HGSNAT: variants seen among roughly 807,000 people sequenced by gnomAD.
HGSNAT encodes transmembrane protein 76.
In HGSNAT, 59 loss-of-function variants were observed where a neutral mutation model predicts 85.2. The ratio of observed to expected loss-of-function variants is 0.69; its 90% CI spans 0.56 to 0.86. The LOEUF (loss-of-function observed/expected upper bound fraction) is 0.86, where lower values mean the gene tolerates loss of function less well. Ranked by LOEUF, HGSNAT falls within the 40% of genes least tolerant of loss-of-function variation. The pLI is 0.00. For missense variants in HGSNAT, 756 were observed against 777.1 expected (o/e 0.97, Z 0.32); for synonymous variants, 321 against 304.5 (o/e 1.05, Z -0.56).
intron 1 of HGSNAT, among the ~76,000 whole-genome samples, chr8:43,143,792 CT>C (rs1802628624): frequency 6.6e-6 from 1 of 151,746 alleles, no homozygotes; most frequent in Non-Finnish European, 1.5e-5. Context: ...ATGATCCACC[CT>C]CCTTAGCCTC....
intron 15 of HGSNAT, 33 bp downstream of exon 15, chr8:43,197,058 T>G: frequency 7.3e-7 from 1 of 1,374,358 alleles, no homozygotes; most frequent in Non-Finnish European, 1.0e-6. Flanking sequence ...TAAAATTCCT[T>G]TCCTTCACAT....
chr8:43,170,661 C>A lies in HGSNAT; in HGVS notation c.710C>A (p.Pro237Gln), dbSNP rs727503962. The change falls in exon 7 of 18, where the codon CCG becomes CAG. Residue 237 changes from proline (P) to glutamine (Q), a missense_variant. Pro to Gln is a moderately conservative substitution (Grantham distance 76). Coordinates refer to ENST00000379644, the MANE Select transcript of HGSNAT (RefSeq NM_152419.3). Reference protein sequence around the residue: ...QPATWRLSALPPRLRSVDTFR... With the variant: ...QPATWRLSALQPRLRSVDTFR... ...GCAACGTGGCGTCTATCTGCCCTGCCGCCCCGCCTCCGCAGCGTGGACACC... is the reference window on the plus strand; with the variant it reads ...GCAACGTGGCGTCTATCTGCCCTGCAGCCCCGCCTCCGCAGCGTGGACACC... The A allele has an allele frequency of 3.1e-5, 50 of 1,607,412 alleles. No homozygotes were observed. Among genetic ancestry groups the A allele is most frequent in the Middle Eastern group, 3.3e-4 (2 of 6,074 alleles).
chr8:43,193,027 G>A (rs1804594805), intron 13 of HGSNAT, among the ~76,000 whole-genome samples: 1 of 152,198 alleles, frequency 6.6e-6, no homozygotes, highest in Non-Finnish European at 1.5e-5. Context: ...CCGGGGTGGC[G>A]CTGCAGAATT....
At chr8:43,165,044 A>AT (rs1175997527) in intron 5 of HGSNAT, among the ~76,000 whole-genome samples, 2,147 of 72,044 alleles carry the variant, frequency 0.03, 85 homozygotes, top group African/African-American at 0.066. Context: ...CACCATGATA[A>AT]TTTTTTTTTT....
At chr8:43,162,470 G>T (rs1040823752) in intron 5 of HGSNAT, among the ~76,000 whole-genome samples, 1 of 152,050 alleles carries the variant, frequency 6.6e-6, no homozygotes, top group Non-Finnish European at 1.5e-5. Context: ...TTGAGTTAAG[G>T]TATTATCTCA....
chr8:43,164,847 G>T lies in HGSNAT; in HGVS notation c.563+3340G>T, dbSNP rs1803383078. 1.3e-5 allele frequency among the ~76,000 whole-genome samples: 2 copies of T among 152,206 alleles called. 1 individual carries two copies. Among genetic ancestry groups the T allele is most frequent in the South Asian group, 4.1e-4 (2 of 4,826 alleles). ...TTTACTCAAACGCTTAGAAGCCATTGTAGGGCAATTATAATTGGCCTAATT... is the reference window on the plus strand; with the variant it reads ...TTTACTCAAACGCTTAGAAGCCATTTTAGGGCAATTATAATTGGCCTAATT... On this transcript the variant is annotated intron_variant, in intron 5 of 17. Coordinates refer to ENST00000379644, the MANE Select transcript of HGSNAT (RefSeq NM_152419.3).
chr8:43,196,090 C>G (rs1250326321), intron 14 of HGSNAT: 1 of 269,020 alleles, frequency 3.7e-6, no homozygotes, highest in Non-Finnish European at 7.3e-6. Flanking sequence ...AGCCACGCTC[C>G]CTGGGTTTGT....
At chr8:43,152,978 T>C (rs1385584344) in intron 2 of HGSNAT, among the ~76,000 whole-genome samples, 4 of 152,024 alleles carry the variant, frequency 2.6e-5, no homozygotes, top group East Asian at 1.9e-4. Flanking sequence ...ACGGCCCAAA[T>C]TGGTCTGAGT....
At chr8:43,166,814 C>T (rs1803451560) in intron 5 of HGSNAT, among the ~76,000 whole-genome samples, 1 of 152,268 alleles carries the variant, frequency 6.6e-6, no homozygotes, top group Non-Finnish European at 1.5e-5. Flanking sequence ...GTGATTTCTC[C>T]AATGAATCTG....
chr8:43,196,839 C>A (rs1045380827), intron 14 of HGSNAT, 109 bp from the exon 15 acceptor site: 2 of 716,508 alleles, frequency 2.8e-6, no homozygotes, highest in Non-Finnish European at 5.0e-6. Flanking sequence ...CACCTAGTAG[C>A]GTGCCCAGCA....
At chr8:43,165,429 A>G (rs1456675039) in intron 5 of HGSNAT, among the ~76,000 whole-genome samples, 1 of 152,180 alleles carries the variant, frequency 6.6e-6, no homozygotes, top group Non-Finnish European at 1.5e-5. Flanking sequence ...TAGGCTAATT[A>G]ATTATCCTAC....
chr8:43,161,334 T>C, intron 4 of HGSNAT, 104 bp from the exon 5 acceptor site: 1 of 844,450 alleles, frequency 1.2e-6, no homozygotes, highest in South Asian at 1.6e-5. Context: ...GAATATAGGC[T>C]TCCCCTCACT....
chr8:43,158,998 T>C lies in HGSNAT; in HGVS notation c.447T>C (p.Ile149=). Residue 149 remains isoleucine (I), a synonymous_variant, in exon 4 of 18, where the codon ATT becomes ATC. Coordinates refer to ENST00000379644, the MANE Select transcript of HGSNAT (RefSeq NM_152419.3). ...VKNIHNGVSE[I]ACDLAVNEDP... ...ACATCCATAATGGAGTTAGTGAAAT[T>C]GCCTGTGACCTGGCTGTGAACGAGG... The C allele has an allele frequency of 6.2e-7, 1 of 1,613,830 alleles. No homozygotes were observed. Among genetic ancestry groups the C allele is most frequent in the Non-Finnish European group, 8.5e-7 (1 of 1,179,758 alleles).
chr8:43,181,094 AGAG>A (rs1804083177), intron 10 of HGSNAT, among the ~76,000 whole-genome samples: 1 of 176 alleles, frequency 5.7e-3, no homozygotes, highest in Admixed American at 0.1. Flanking sequence ...AGGGAGAGGG[AGAG>A]GGAGAGGGAG....
intron 5 of HGSNAT, among the ~76,000 whole-genome samples, chr8:43,164,684 G>A (rs56832326): frequency 6.6e-6 from 1 of 152,166 alleles, no homozygotes; most frequent in Non-Finnish European, 1.5e-5. Context: ...GGGAGGCTGA[G>A]GCAGGAGAAT....
At chr8:43,161,528 G>T (rs779136320) in intron 5 of HGSNAT, 21 bp downstream of exon 5, 1 of 1,579,394 alleles carries the variant, frequency 6.3e-7, no homozygotes, top group South Asian at 1.2e-5. Context: ...TGGGGAGGAC[G>T]CCACTGGAAA....
At chr8:43,147,202 G>A (rs931052156) in intron 2 of HGSNAT, 139 bp downstream of exon 2, 1 of 574,486 alleles carries the variant, frequency 1.7e-6, no homozygotes, top group Non-Finnish European at 3.0e-6. Context: ...TAAAGAGTCG[G>A]AAGAAATACA....
Position 43,158,677 on chromosome 8 carries a change from C to G in HGSNAT, c.337C>G (p.Leu113Val). 8 of 1,611,674 alleles carry G rather than the reference C, an allele frequency of 5.0e-6. No homozygotes were observed. The highest frequency in any genetic ancestry group is 5.9e-6 in the Non-Finnish European group (7 of 1,178,598). The change falls in exon 3 of 18, where the codon CTG becomes GTG. Residue 113 changes from leucine to valine, a missense_variant. Physicochemically the swap from Leu to Val is conservative, Grantham distance 32 (BLOSUM62 1). Transcript: ENST00000379644. ...CACCCAGCACGGATCTATCCTGCAG[C>G]TGAACGACACCTTGGAAGAGAAAGA... ...VSTQHGSILQ[L>V]NDTLEEKEVC...
At chr8:43,150,561 C>T (rs371372237) in intron 2 of HGSNAT, among the ~76,000 whole-genome samples, 4 of 145,932 alleles carry the variant, frequency 2.7e-5, no homozygotes, top group East Asian at 2.0e-4. Context: ...AGGCCAGGCG[C>T]GGTGGCTCAC....
Sources: gnomAD v4.1 joint callset for allele counts (sites outside exome capture counted in the v4.1 genomes callset) on GRCh38, gnomAD v4.1.1 for gene constraint, MANE v1.5 for transcripts, NCBI Gene and HGNC (gene_info 2026-07-23, HGNC 2026-07-21) for gene names.